RASA2: variants seen among roughly 807,000 people sequenced by gnomAD.
RASA2 encodes ras GTPase-activating protein 2.
RASA2 carries 155 observed loss-of-function variants against 118.2 expected under a neutral mutation model. That is an observed-to-expected ratio of 1.31 (90% CI 1.15 to 1.50). RASA2 has a LOEUF of 1.50. RASA2 is among the 40% of genes most tolerant of loss of function. The pLI is 0.00. For missense variants in RASA2, 1,016 were observed against 1,009.6 expected (o/e 1.01, Z -0.09); for synonymous variants, 353 against 349.1 (o/e 1.01, Z -0.12).
intron 5 of RASA2, among the ~76,000 whole-genome samples, chr3:141,549,853 G>C (rs560526781): frequency 2.6e-5 from 4 of 151,950 alleles, no homozygotes; most frequent in African/African-American, 4.8e-5. Flanking sequence ...AAAAAATAAT[G>C]GGGATATGTA....
chr3:141,502,971 C>T (rs2081806355), intron 1 of RASA2, among the ~76,000 whole-genome samples: 1 of 152,118 alleles, frequency 6.6e-6, no homozygotes, highest in Admixed American at 6.5e-5. Context: ...TAGAAAGACT[C>T]TAGGCTTTGG....
rs1055680523 is a variant in RASA2, at chr3:141,613,144, C to T, written c.*831C>T. ...TGAAGGTGGTGGGAAAATCACTTCA[C>T]TTCACCCACTATTTCATGTTGTAAT... is the stretch of plus-strand genomic sequence containing the variant. On this transcript the variant is annotated 3_prime_UTR_variant, in exon 24 of 24. Coordinates refer to ENST00000286364, the MANE Select transcript of RASA2 (RefSeq NM_006506.5). The T allele has an allele frequency of 2.0e-5, 3 of 152,176 alleles. No homozygotes were observed. Among genetic ancestry groups the T allele is most frequent in the Non-Finnish European group, 2.9e-5 (2 of 68,026 alleles). 9.4% of individuals were successfully genotyped at this position (152,176 alleles called of 1,614,324 possible). A position where few individuals can be genotyped will look rare whatever the true frequency, so the allele number is the denominator to read the frequency against.
intron 23 of RASA2, 42 bp from the exon 24 acceptor site, chr3:141,612,241 G>T: frequency 1.4e-6 from 2 of 1,433,234 alleles, no homozygotes; most frequent in Non-Finnish European, 9.7e-7. Flanking sequence ...TTAAATTTTT[G>T]TATTTCTTAA....
intron 9 of RASA2, among the ~76,000 whole-genome samples, chr3:141,566,612 A>T (rs1047283322): frequency 2.0e-5 from 3 of 152,220 alleles, no homozygotes; most frequent in African/African-American, 4.8e-5. Flanking sequence ...ATGACTTTTT[A>T]AAATTATATA....
chr3:141,489,717 G>C (rs1189068581), intron 1 of RASA2, among the ~76,000 whole-genome samples: 1 of 152,150 alleles, frequency 6.6e-6, no homozygotes, highest in Non-Finnish European at 1.5e-5. Flanking sequence ...GGATGGATTG[G>C]TTTATGTATC....
chr3:141,499,924 G>A (rs887569954), intron 1 of RASA2, among the ~76,000 whole-genome samples: 7 of 151,984 alleles, frequency 4.6e-5, no homozygotes, highest in Non-Finnish European at 1.0e-4. Flanking sequence ...CAATCGAGTG[G>A]GATTATAGAC....
At chr3:141,533,847 A>G (rs1162163590) in intron 4 of RASA2, among the ~76,000 whole-genome samples, 2 of 151,998 alleles carry the variant, frequency 1.3e-5, no homozygotes, top group Non-Finnish European at 1.5e-5. Context: ...CAGACTCTGC[A>G]GTGGGTCAGA....
chr3:141,543,876 C>CTTT lies in RASA2; in HGVS notation c.527+3282_527+3284dup, dbSNP rs529631210. Among the ~76,000 whole-genome samples, 752 of 117,274 alleles carry CTTT rather than the reference C, an allele frequency of 6.4e-3. 18 individuals are homozygous for CTTT. The highest frequency in any genetic ancestry group is 0.023 in the Middle Eastern group (5 of 216). The allele number at this position is 117,274 out of a possible 152,430, so 76.9% of individuals were successfully genotyped here. ...TTTTTTCTTTCTTTCTTTCTTTTTTCTTTTTTTTTTTTTTTTTGATATGGA... is the reference window on the plus strand; with the variant it reads ...TTTTTTCTTTCTTTCTTTCTTTTTTCTTTTTTTTTTTTTTTTTTTTGATATGGA... On this transcript the variant is annotated intron_variant, in intron 5 of 23. Transcript: ENST00000286364.
At chr3:141,569,778 C>A (rs544843686) in intron 9 of RASA2, among the ~76,000 whole-genome samples, 11 of 151,972 alleles carry the variant, frequency 7.2e-5, no homozygotes, top group African/African-American at 2.7e-4. Context: ...ATCCCTACCC[C>A]CCTATCTCCC....
chr3:141,512,194 A>G lies in RASA2; in HGVS notation c.165A>G (p.Gly55=), dbSNP rs1450524777. The change falls in exon 2 of 24, where the codon GGA becomes GGG. Residue 55 remains glycine, a synonymous_variant. Transcript: ENST00000286364. ...CEAKNLLPYL[G]PHKMRDCFCT... is the part of the protein sequence containing the mutation. ...CAAAAAATTTATTGCCATATCTTGG[A>G]CCCCACAAAATGAGAGATTGTTTCT... The G allele has an allele frequency of 1.2e-6, 2 of 1,606,524 alleles. No individual in the cohort carries two copies. The highest frequency in any genetic ancestry group is 3.4e-5 in the Admixed American group (2 of 58,156).
At chr3:141,585,735 G>A (rs1323187863) in intron 17 of RASA2, among the ~76,000 whole-genome samples, 1 of 152,182 alleles carries the variant, frequency 6.6e-6, no homozygotes, top group African/African-American at 2.4e-5. Flanking sequence ...AGGAAGGAGA[G>A]GTTGCAGTGA....
chr3:141,553,528 A>T (rs770021309), intron 5 of RASA2, among the ~76,000 whole-genome samples: 2 of 152,264 alleles, frequency 1.3e-5, no homozygotes, highest in Non-Finnish European at 2.9e-5. Context: ...TCCTTGGAGC[A>T]TCATGTCAGT....
intron 1 of RASA2, among the ~76,000 whole-genome samples, chr3:141,500,969 G>C (rs959433469): frequency 1.3e-5 from 2 of 152,108 alleles, no homozygotes; most frequent in African/African-American, 4.8e-5. Flanking sequence ...GTATAATGCA[G>C]TAAAGCCCAG....
chr3:141,604,701 GCT>G (rs1055133252), intron 19 of RASA2, among the ~76,000 whole-genome samples: 62 of 145,642 alleles, frequency 4.3e-4, no homozygotes, highest in African/African-American at 1.6e-3. Flanking sequence ...TTTCAGATAG[GCT>G]TTATGGCTGA....
intron 3 of RASA2, among the ~76,000 whole-genome samples, chr3:141,516,807 T>C (rs1192453974): frequency 6.6e-6 from 1 of 151,000 alleles, no homozygotes. Flanking sequence ...AGAATCTTGC[T>C]CTATCTCCCA....
At chr3:141,595,260 C>G (rs552289688) in intron 19 of RASA2, among the ~76,000 whole-genome samples, 1 of 152,200 alleles carries the variant, frequency 6.6e-6, no homozygotes, top group African/African-American at 2.4e-5. Flanking sequence ...CCAGCCATAT[C>G]AATAATTACA....
Position 141,580,409 on chromosome 3 carries a change from T to C in RASA2, c.1632T>C (p.Thr544=), listed in dbSNP as rs1426160614. 3 of 1,610,258 alleles carry C rather than the reference T, an allele frequency of 1.9e-6. No homozygotes were observed. Among genetic ancestry groups the C allele is most frequent in the Non-Finnish European group, 2.5e-6 (3 of 1,177,584 alleles). Residue 544 remains threonine (T), a synonymous_variant, in exon 16 of 24, where the codon ACT becomes ACC. Transcript: ENST00000286364. ...TIRTLTLISK[T]IQTLGSWGSL... ...GAACATTAACTCTCATCTCAAAAACTATACAAACTTTGGGAAGCTGGGGGA... is the reference window on the plus strand; with the variant it reads ...GAACATTAACTCTCATCTCAAAAACCATACAAACTTTGGGAAGCTGGGGGA...
At chr3:141,498,077 A>G (rs1299479209) in intron 1 of RASA2, among the ~76,000 whole-genome samples, 1 of 152,234 alleles carries the variant, frequency 6.6e-6, no homozygotes, top group African/African-American at 2.4e-5. Context: ...TTACAGTTTT[A>G]TATAAAATAT....
At chr3:141,600,385 C>G (rs2083444488) in intron 19 of RASA2, 1 of 489,668 alleles carries the variant, frequency 2.0e-6, no homozygotes, top group African/African-American at 2.0e-5. Flanking sequence ...TGTCAGTCTT[C>G]TGCTCAATGT....
Sources: allele counts gnomAD v4.1 joint callset (sites outside exome capture counted in the v4.1 genomes callset), GRCh38; gene constraint gnomAD v4.1.1; transcripts MANE v1.5; gene names NCBI Gene and HGNC (gene_info 2026-07-23, HGNC 2026-07-21).